FAF1: variants seen among roughly 807,000 people sequenced by gnomAD.
The protein encoded by FAF1 is Fas associated factor 1.
In FAF1, 25 loss-of-function variants were observed where a neutral mutation model predicts 92.5. The observed-to-expected ratio is 0.27, with a 90% CI of 0.20 to 0.38. The LOEUF (loss-of-function observed/expected upper bound fraction) is 0.38. Ranked by LOEUF, FAF1 falls within the 10% of genes least tolerant of loss-of-function variation. FAF1 has a pLI of 1.00. For missense variants in FAF1, 636 were observed against 793.3 expected, an observed-to-expected ratio of 0.80 and a Z score of 2.38; for synonymous variants, 234 against 273.2, an observed-to-expected ratio of 0.86 and a Z score of 1.42.
At chr1:50,617,731 G>C (rs1369149196) in intron 8 of FAF1, among the ~76,000 whole-genome samples, 1 of 142,546 alleles carries the variant, frequency 7.0e-6, no homozygotes, top group East Asian at 2.0e-4. Flanking sequence ...CAGTAGCACT[G>C]ATACCAGTTC....
chr1:50,776,231 G>A (rs1363535682), intron 4 of FAF1, among the ~76,000 whole-genome samples: 2 of 152,130 alleles, frequency 1.3e-5, no homozygotes, highest in Non-Finnish European at 2.9e-5. Flanking sequence ...GATAGAGTAG[G>A]AACAGCCAAG....
chr1:50,694,926 G>T (rs1418634117), intron 7 of FAF1, among the ~76,000 whole-genome samples: 2 of 151,554 alleles, frequency 1.3e-5, no homozygotes, highest in African/African-American at 4.8e-5. Context: ...AGTGCCACTG[G>T]ACTCCACCTT....
chr1:50,889,615 G>T (rs1397625936), intron 1 of FAF1, among the ~76,000 whole-genome samples: 1 of 152,018 alleles, frequency 6.6e-6, no homozygotes, highest in Non-Finnish European at 1.5e-5. Flanking sequence ...CCTTCATTTC[G>T]TTATGTACCC....
chr1:50,618,421 T>TG (rs1318947725), intron 8 of FAF1, among the ~76,000 whole-genome samples: 1 of 146,064 alleles, frequency 6.8e-6, no homozygotes, highest in Non-Finnish European at 1.5e-5. Flanking sequence ...AGAGTTTTTT[T>TG]TTTTTTTTTT....
chr1:50,639,180 T>C (rs774947589), intron 8 of FAF1, among the ~76,000 whole-genome samples: 2 of 152,274 alleles, frequency 1.3e-5, no homozygotes, highest in African/African-American at 2.4e-5. Flanking sequence ...ATATCACAAT[T>C]TGCTTATCAT....
At chr1:50,850,623 A>G (rs1220888111) in intron 2 of FAF1, among the ~76,000 whole-genome samples, 1 of 152,102 alleles carries the variant, frequency 6.6e-6, no homozygotes, top group East Asian at 1.9e-4. Context: ...AAAGCATCAA[A>G]TTAAATCAAA....
intron 15 of FAF1, among the ~76,000 whole-genome samples, chr1:50,510,703 A>G (rs1647124110): frequency 6.6e-6 from 1 of 152,288 alleles, no homozygotes; most frequent in Middle Eastern, 3.4e-3. Flanking sequence ...GTCTGACAAC[A>G]TTCTTATTTT....
At chr1:50,820,685 C>G (rs760291917) in intron 2 of FAF1, among the ~76,000 whole-genome samples, 1 of 152,182 alleles carries the variant, frequency 6.6e-6, no homozygotes, top group Non-Finnish European at 1.5e-5. Flanking sequence ...CCATTCTAAC[C>G]TCTCTGTTGC....
intron 6 of FAF1, among the ~76,000 whole-genome samples, chr1:50,738,016 C>T (rs1340368869): frequency 1.3e-5 from 2 of 152,066 alleles, no homozygotes; most frequent in African/African-American, 4.8e-5. Context: ...GGTCAGTTTG[C>T]TTCATTAAAC....
At chr1:50,590,413 G>A (rs1651447296) in intron 9 of FAF1, among the ~76,000 whole-genome samples, 1 of 152,116 alleles carries the variant, frequency 6.6e-6, no homozygotes, top group South Asian at 2.1e-4. Flanking sequence ...TTTGACATTG[G>A]AATTGTTTTT....
intron 18 of FAF1, among the ~76,000 whole-genome samples, chr1:50,467,555 T>C (rs1283142295): frequency 6.6e-6 from 1 of 152,126 alleles, no homozygotes; most frequent in East Asian, 1.9e-4. Flanking sequence ...CCTCGTGATC[T>C]GCCCTCCTCG....
intron 4 of FAF1, among the ~76,000 whole-genome samples, chr1:50,749,606 C>G (rs1028892950): frequency 6.6e-6 from 1 of 152,130 alleles, no homozygotes; most frequent in African/African-American, 2.4e-5. Context: ...AGCAACACAG[C>G]AAGACACCAC....
Position 50,539,672 on chromosome 1 carries a change from G to A in FAF1, c.1325C>T (p.Thr442Ile). ...FGSVVAQTIR[T>I]QKTDQFPLFL... Reference sequence around the variant, plus strand: ...AAGCGGAAACTGATCCGTTTTTTGAGTCCGAATGGTTTGTGCCACAACACT... The same window carrying A: ...AAGCGGAAACTGATCCGTTTTTTGAATCCGAATGGTTTGTGCCACAACACT... Residue 442 changes from threonine to isoleucine, a missense_variant, in exon 14 of 19, where the codon ACT becomes ATT. Coordinates refer to ENST00000396153, the MANE Select transcript of FAF1 (RefSeq NM_007051.3). The A allele has an allele frequency of 6.2e-7, 1 of 1,612,000 alleles. No individual in the cohort carries two copies. Among genetic ancestry groups the A allele is most frequent in the Non-Finnish European group, 8.5e-7 (1 of 1,178,338 alleles).
At chr1:50,544,019 G>A (rs1648883597) in intron 13 of FAF1, among the ~76,000 whole-genome samples, 1 of 151,944 alleles carries the variant, frequency 6.6e-6, no homozygotes. Context: ...TCCATTCCTG[G>A]GATTGCTAAA....
At chr1:50,455,664 C>T (rs1646342182) in intron 18 of FAF1, among the ~76,000 whole-genome samples, 1 of 152,112 alleles carries the variant, frequency 6.6e-6, no homozygotes, top group African/African-American at 2.4e-5. Flanking sequence ...TTAATCTCTT[C>T]ATATTTTAGA....
At chr1:50,605,655 T>C (rs1020005665) in intron 8 of FAF1, among the ~76,000 whole-genome samples, 10 of 152,158 alleles carry the variant, frequency 6.6e-5, no homozygotes, top group African/African-American at 2.2e-4. Context: ...CTTTATGCCA[T>C]TTAGTTGCTT....
rs181036679 is a variant in FAF1 at position 50,495,155 on chromosome 1, A to G, written c.1495-3354T>C. Reference sequence around the variant, plus strand: ...ATCTTTGTGTTATTTTTAAATGTACAATGATTTTTACTATAGTCATCCTGT... The same window carrying G: ...ATCTTTGTGTTATTTTTAAATGTACGATGATTTTTACTATAGTCATCCTGT... On this transcript the variant is annotated intron_variant, in intron 15 of 18. Coordinates refer to ENST00000396153, the MANE Select transcript of FAF1 (RefSeq NM_007051.3). 3.3e-5 allele frequency among the ~76,000 whole-genome samples: 5 copies of G among 152,208 alleles called. No individual in the cohort carries two copies. The East Asian group carries it at 5.8e-4, about 18-fold the overall frequency.
In FAF1 at chr1:50,803,596, G is replaced by A. The variant is rs139890165; in HGVS notation, c.115-1919C>T. On this transcript the variant is annotated intron_variant, in intron 2 of 18. Transcript: ENST00000396153. ...TTATTTATTAAAGGAATTAATAATA[G>A]AGGAATACAAAGAAAAGTCACCTAT... Among the ~76,000 whole-genome samples the A allele has an allele frequency of 4.4e-3, 675 of 152,224 alleles. 8 individuals are homozygous for A. Among genetic ancestry groups the A allele is most frequent in the African/African-American group, 0.015 (611 of 41,558 alleles).
chr1:50,465,223 T>C (rs1646479938), intron 18 of FAF1, among the ~76,000 whole-genome samples: 1 of 152,254 alleles, frequency 6.6e-6, no homozygotes, highest in South Asian at 2.1e-4. Flanking sequence ...AGATAATATC[T>C]GCCTGGTATA....
Sources: gnomAD v4.1 joint callset for allele counts (sites outside exome capture counted in the v4.1 genomes callset) on GRCh38, gnomAD v4.1.1 for gene constraint, MANE v1.5 for transcripts, NCBI Gene and HGNC (gene_info 2026-07-23, HGNC 2026-07-21) for gene names.